The following UBR7 variants were observed in gnomAD, a reference collection of about 807,000 sequenced individuals.
The protein encoded by UBR7 is putative E3 ubiquitin-protein ligase UBR7.
In UBR7, 22 loss-of-function variants were observed where a neutral mutation model predicts 57.0. That is an observed-to-expected ratio of 0.39 (90% CI 0.28 to 0.55). The LOEUF is 0.55. Among genes scored for constraint, UBR7 ranks in the 20% least tolerant of loss-of-function variants. The pLI, the probability that UBR7 is intolerant of heterozygous loss-of-function variation, is 0.69. For synonymous variants in UBR7, 167 were observed against 179.8 expected (o/e 0.93, Z 0.57); for missense variants, 395 against 513.2 (o/e 0.77, Z 2.23).
intron 2 of UBR7, 61 bp downstream of exon 2, chr14:93,210,018 C>T (rs766229154): frequency 8.7e-5 from 137 of 1,572,882 alleles, no homozygotes; most frequent in Non-Finnish European, 1.1e-4. Flanking sequence ...TTCCCATCTA[C>T]ACTTTTTCCT....
chr14:93,210,043 A>G (rs956811849), intron 2 of UBR7, 86 bp downstream of exon 2: 1 of 1,392,962 alleles, frequency 7.2e-7, no homozygotes, highest in Non-Finnish European at 1.0e-6. Flanking sequence ...TTGTTTTTTC[A>G]TGCAAAGCAG....
At chr14:93,216,380 A>G (rs757455158) in intron 6 of UBR7, among the ~76,000 whole-genome samples, 54 of 152,050 alleles carry the variant, frequency 3.6e-4, no homozygotes, top group Non-Finnish European at 6.0e-4. Context: ...AAGAAATTAA[A>G]TCAAAACAAC....
chr14:93,215,035 G>T lies in UBR7; in HGVS notation c.495+53G>T, dbSNP rs907145020. 95 of 1,519,054 alleles carry T rather than the reference G, an allele frequency of 6.3e-5. 3 individuals are homozygous for T. In the South Asian group the frequency reaches 1.0e-3, roughly 16 times the overall value. The allele number at this position is 1,519,054 out of a possible 1,614,324, so 94.1% of individuals were successfully genotyped here. Reference sequence around the variant, plus strand: ...CCATTGTTGTCACAAAAAGATAAAGGTTATATTTTACATTATAATTAGTCT... The same window carrying T: ...CCATTGTTGTCACAAAAAGATAAAGTTTATATTTTACATTATAATTAGTCT... On this transcript the variant is annotated intron_variant, in intron 5 of 10. Coordinates refer to ENST00000013070, the MANE Select transcript of UBR7 (RefSeq NM_175748.4).
In UBR7 at chr14:93,228,912, G is replaced by A. The variant is rs754737810; in HGVS notation, c.*1877G>A. 3.1e-5 allele frequency: 14 copies of A among 453,964 alleles called. 1 individual carries two copies. Among genetic ancestry groups the A allele is most frequent in the South Asian group, 1.1e-4 (7 of 64,480 alleles). The allele number at this position is 453,964 out of a possible 1,614,324, so 28.1% of individuals were successfully genotyped here. A position where few individuals can be genotyped will look rare whatever the true frequency, so the allele number is the denominator to read the frequency against. ...AATAGTACCGATCAGTTAACTCAGCGCTGAAGGGCTTGTTTTATGAAAGGT... is the reference window on the plus strand; with the variant it reads ...AATAGTACCGATCAGTTAACTCAGCACTGAAGGGCTTGTTTTATGAAAGGT... On this transcript the variant is annotated 3_prime_UTR_variant, in exon 11 of 11. Coordinates refer to ENST00000013070, the MANE Select transcript of UBR7 (RefSeq NM_175748.4).
intron 3 of UBR7, 32 bp downstream of exon 3, chr14:93,210,740 A>C (rs1313358870): frequency 1.3e-6 from 2 of 1,558,598 alleles, no homozygotes; most frequent in Non-Finnish European, 1.8e-6. Flanking sequence ...AAATGCATTT[A>C]GAGCAGCTGA....
At position 93,226,949 on chromosome 14, in the gene UBR7, AAGAG is replaced by A. The variant is rs1174252819; in HGVS notation, c.1197_1200del (p.Glu400ThrfsTer46). On this transcript the variant is annotated frameshift_variant, in exon 11 of 11. Coordinates refer to ENST00000013070, the MANE Select transcript of UBR7 (RefSeq NM_175748.4). LOFTEE classifies it high-confidence loss of function. ...CTTTGCTTTTCAAAAACAGGTTGTT[AAGAG>A]AGAGGACATTCAGCAGTTCTTTGAA... 1 of 1,612,486 alleles carries A rather than the reference AAGAG, an allele frequency of 6.2e-7. No individual in the cohort carries two copies. Among genetic ancestry groups the A allele is most frequent in the Non-Finnish European group, 8.5e-7 (1 of 1,178,974 alleles).
Position 93,224,599 on chromosome 14 carries a change from G to C in UBR7, c.1185+2225G>C, listed in dbSNP as rs371666110. 6.4e-4 allele frequency among the ~76,000 whole-genome samples: 98 copies of C among 152,144 alleles called. 1 individual carries two copies. Among genetic ancestry groups the C allele is most frequent in the African/African-American group, 2.1e-3 (87 of 41,502 alleles). On this transcript the variant is annotated intron_variant, in intron 10 of 10. Transcript: ENST00000013070. ...TCACCGTGTTAGCCAGGATGGTCTC[G>C]ATTTCCTGACCTTGTGATCCGCCCA...
chr14:93,215,689 CAAAAAAA>C (rs34666080), intron 6 of UBR7, among the ~76,000 whole-genome samples: 1 of 71,832 alleles, frequency 1.4e-5, no homozygotes, highest in Non-Finnish European at 3.2e-5. Context: ...ACTCCATCCT[CAAAAAAA>C]AAAAAAAAAA....
At position 93,227,131 on chromosome 14, in the gene UBR7, C is replaced by A; in HGVS notation, c.*96C>A. The A allele has an allele frequency of 1.0e-6, 1 of 953,922 alleles. No homozygotes were observed. Among genetic ancestry groups the A allele is most frequent in the Non-Finnish European group, 1.6e-6 (1 of 615,768 alleles). The allele number at this position is 953,922 out of a possible 1,614,324, so 59.1% of individuals were successfully genotyped here. On this transcript the variant is annotated 3_prime_UTR_variant, in exon 11 of 11. Coordinates refer to ENST00000013070, the MANE Select transcript of UBR7 (RefSeq NM_175748.4). ...GGTTCACATTTGGCCCCCTTTCCGTCCTCCTCTGTTTGGAGAGGCCTCGCG... is the reference window on the plus strand; with the variant it reads ...GGTTCACATTTGGCCCCCTTTCCGTACTCCTCTGTTTGGAGAGGCCTCGCG...
In UBR7 at chr14:93,227,214, G is replaced by C; in HGVS notation, c.*179G>C. Reference sequence around the variant, plus strand: ...CGTGTGGATGCTGACTTCACAGCCAGCGTCCTCTGTGACTCAGCTGATGCA... The same window carrying C: ...CGTGTGGATGCTGACTTCACAGCCACCGTCCTCTGTGACTCAGCTGATGCA... On this transcript the variant is annotated 3_prime_UTR_variant, in exon 11 of 11. Coordinates refer to ENST00000013070, the MANE Select transcript of UBR7 (RefSeq NM_175748.4). 1 of 640,110 alleles carries C rather than the reference G, an allele frequency of 1.6e-6. No individual in the cohort carries two copies. The allele number at this position is 640,110 out of a possible 1,614,324, so 39.7% of individuals were successfully genotyped here.
chr14:93,224,028 C>T (rs1038535575), intron 10 of UBR7: 15 of 915,642 alleles, frequency 1.6e-5, no homozygotes, highest in South Asian at 1.6e-4. Flanking sequence ...TTGGCGACAA[C>T]GTGATTAGGC....
chr14:93,219,287 C>T lies in UBR7; in HGVS notation c.886C>T (p.Leu296Phe), dbSNP rs764354804. 1.2e-5 allele frequency: 20 copies of T among 1,614,032 alleles called. No homozygotes were observed. The highest frequency in any genetic ancestry group is 5.0e-5 in the Admixed American group (3 of 59,994). ...ACTTCAGGAGCTTAAAGCTAAGCAG[C>T]TTATAAAGAAAGACACTGCCACCTA... The part of the protein sequence containing the change: ...CKLQELKAKQ[L>F]IKKDTATYWP... The change falls in exon 8 of 11, where the codon CTT becomes TTT. Residue 296 changes from leucine (L) to phenylalanine (F), a missense_variant. By Grantham distance (22) the Leu-to-Phe change is conservative. Coordinates refer to ENST00000013070, the MANE Select transcript of UBR7 (RefSeq NM_175748.4).
chr14:93,220,206 G>C (rs767910462), intron 8 of UBR7, 43 bp from the exon 9 acceptor site: 1 of 1,584,698 alleles, frequency 6.3e-7, no homozygotes, highest in Non-Finnish European at 8.6e-7. Context: ...CAGTTCTAAT[G>C]GGGAAACTCC....
rs1252949216 is a variant in UBR7, at chr14:93,209,975, A to G, written c.284+18A>G. 2.5e-6 allele frequency: 4 copies of G among 1,613,236 alleles called. No individual in the cohort carries two copies. The highest frequency in any genetic ancestry group is 1.3e-5 in the African/African-American group (1 of 75,018). ...ACAAAAAGGTAAACATAGTCAAGAG[A>G]TTGTTACTAAATGCTTTTGAAGTAT... On this transcript the variant is annotated intron_variant, in intron 2 of 10. Transcript: ENST00000013070.
intron 9 of UBR7, among the ~76,000 whole-genome samples, chr14:93,221,237 A>C (rs1263409306): frequency 6.6e-6 from 1 of 151,984 alleles, no homozygotes; most frequent in Non-Finnish European, 1.5e-5. Flanking sequence ...CAGCCTCCCA[A>C]GTAGCTGGGA....
At chr14:93,220,149 T>C in intron 8 of UBR7, 100 bp from the exon 9 acceptor site, 1 of 1,254,896 alleles carries the variant, frequency 8.0e-7, no homozygotes, top group Non-Finnish European at 1.1e-6. Flanking sequence ...ATAAAAAAAT[T>C]ACATTTTTAG....
Position 93,228,541 on chromosome 14 carries a change from T to C in UBR7, c.*1506T>C, listed in dbSNP as rs1380490773. On this transcript the variant is annotated 3_prime_UTR_variant, in exon 11 of 11. Coordinates refer to ENST00000013070, the MANE Select transcript of UBR7 (RefSeq NM_175748.4). Reference sequence around the variant, plus strand: ...CCTCAAAGAAATGGCACAACCATGTTCTTCGGCACTCAGGCTCCTAATTGC... The same window carrying C: ...CCTCAAAGAAATGGCACAACCATGTCCTTCGGCACTCAGGCTCCTAATTGC... 1 of 454,076 alleles carries C rather than the reference T, an allele frequency of 2.2e-6. No individual in the cohort carries two copies. The highest frequency in any genetic ancestry group is 7.0e-5 in the East Asian group (1 of 14,380). 28.1% of individuals were successfully genotyped at this position (454,076 alleles called of 1,614,324 possible).
intron 10 of UBR7, among the ~76,000 whole-genome samples, chr14:93,222,911 C>T (rs556616380): frequency 1.3e-5 from 2 of 152,212 alleles, no homozygotes; most frequent in African/African-American, 4.8e-5. Context: ...GATGGGAGGG[C>T]GCAGTCCCAC....
intron 8 of UBR7, 56 bp from the exon 9 acceptor site, chr14:93,220,193 A>G (rs1015129665): frequency 2.6e-6 from 4 of 1,563,628 alleles, no homozygotes; most frequent in Non-Finnish European, 2.6e-6. Context: ...TGAGAATGAT[A>G]AACAGTTCTA....
Sources: gnomAD v4.1 joint callset for allele counts (sites outside exome capture counted in the v4.1 genomes callset) on GRCh38, gnomAD v4.1.1 for gene constraint, MANE v1.5 for transcripts, NCBI Gene and HGNC (gene_info 2026-07-23, HGNC 2026-07-21) for gene names.